Variants in RMDN2 observed in about 807,000 individuals in gnomAD.
The protein encoded by RMDN2 is regulator of microtubule dynamics protein 2.
RMDN2 carries 61 observed loss-of-function variants against 52.8 expected under a neutral mutation model. The ratio of observed to expected loss-of-function variants is 1.16; its 90% confidence interval spans 0.94 to 1.43. The LOEUF is 1.43. Ranked by LOEUF, RMDN2 falls within the 40% of genes most tolerant of loss-of-function variation. The pLI is 0.00. For missense variants in RMDN2, 592 were observed against 475.3 expected, an observed-to-expected ratio of 1.25 and a Z score of -2.28; for synonymous variants, 180 against 153.1, an observed-to-expected ratio of 1.18 and a Z score of -1.30.
At chr2:38,036,852 GA>G (rs1466089677) in intron 10 of RMDN2, 1 of 152,262 alleles carries the variant, frequency 6.6e-6, no homozygotes, top group African/African-American at 2.4e-5. Flanking sequence ...GTTAAAATCT[GA>G]TGGGAAAGTA....
intron 1 of RMDN2, among the ~76,000 whole-genome samples, chr2:37,926,217 T>C (rs1197846444): frequency 2.0e-5 from 3 of 152,266 alleles, no homozygotes; most frequent in Non-Finnish European, 4.4e-5. Context: ...CTGATGAAGT[T>C]AATGAATATC....
intron 4 of RMDN2, 90 bp downstream of exon 4, chr2:37,975,404 G>A: frequency 1.4e-6 from 1 of 727,186 alleles, no homozygotes. Flanking sequence ...CATGTCCTTT[G>A]CAGGGACATG....
At chr2:37,974,006 T>TCAA (rs1672134435) in intron 2 of RMDN2, 34 bp from the exon 3 acceptor site, 16 of 1,543,528 alleles carry the variant, frequency 1.0e-5, no homozygotes, top group Non-Finnish European at 1.4e-5. Flanking sequence ...TACTTAACTT[T>TCAA]CAAAGGAGTT....
intron 5 of RMDN2, among the ~76,000 whole-genome samples, chr2:37,987,930 A>G (rs12623387): frequency 0.44 from 67,425 of 151,886 alleles, 17,154 homozygotes; most frequent in East Asian, 0.77. Flanking sequence ...ATGGTGGCAC[A>G]TGCCTGTAGT....
chr2:37,997,145 C>G (rs1283318199), intron 7 of RMDN2, among the ~76,000 whole-genome samples: 1 of 152,160 alleles, frequency 6.6e-6, no homozygotes, highest in Admixed American at 6.5e-5. Context: ...TCTTCTTATC[C>G]AGAGTATTTC....
chr2:37,941,630 C>G (rs1391307335), intron 2 of RMDN2, among the ~76,000 whole-genome samples: 2 of 152,214 alleles, frequency 1.3e-5, no homozygotes, highest in African/African-American at 4.8e-5. Context: ...CTGGCTATAG[C>G]TGCTTTGCAG....
intron 10 of RMDN2, among the ~76,000 whole-genome samples, chr2:38,007,573 G>T (rs1558543525): frequency 1.3e-5 from 2 of 152,024 alleles, no homozygotes; most frequent in African/African-American, 4.8e-5. Context: ...ATTTTTTATT[G>T]CGTCTATTTG....
chr2:37,962,109 C>T (rs1318951235), intron 2 of RMDN2, among the ~76,000 whole-genome samples: 1 of 152,206 alleles, frequency 6.6e-6, no homozygotes, highest in Non-Finnish European at 1.5e-5. Flanking sequence ...TGGAGCTCTC[C>T]TATATGAGGT....
At chr2:37,922,671 G>A (rs965511562), upstream of RMDN2, among the ~76,000 whole-genome samples, 1 of 152,228 alleles carries the variant, frequency 6.6e-6, no homozygotes, top group African/African-American at 2.4e-5. Flanking sequence ...TTTGCTGTAA[G>A]CTAGCAGGGA....
At chr2:37,955,141 C>A (rs1473748642) in intron 2 of RMDN2, among the ~76,000 whole-genome samples, 1 of 151,990 alleles carries the variant, frequency 6.6e-6, no homozygotes, top group Non-Finnish European at 1.5e-5. Context: ...TGTCTGTGAT[C>A]AGAGGATACT....
chr2:37,933,556 G>A (rs937143629), intron 2 of RMDN2, among the ~76,000 whole-genome samples: 8 of 152,390 alleles, frequency 5.2e-5, no homozygotes, highest in South Asian at 4.1e-4. Context: ...GATCGCTCGC[G>A]GTTAGGAGCT....
chr2:37,993,826 T>C (rs1309063329), intron 7 of RMDN2, among the ~76,000 whole-genome samples: 2 of 152,086 alleles, frequency 1.3e-5, no homozygotes, highest in Admixed American at 6.6e-5. Flanking sequence ...GCAGTGAAAA[T>C]TCATTTTCAG....
chr2:37,969,814 C>CT (rs1470145182), intron 2 of RMDN2, among the ~76,000 whole-genome samples: 44 of 152,072 alleles, frequency 2.9e-4, no homozygotes, highest in Non-Finnish European at 2.9e-5. Flanking sequence ...AGCATATAGC[C>CT]TTTTTCAGGT....
intron 4 of RMDN2, among the ~76,000 whole-genome samples, chr2:37,975,582 A>G (rs893150155): frequency 3.0e-4 from 46 of 152,212 alleles, no homozygotes; most frequent in African/African-American, 1.1e-3. Flanking sequence ...GGGGAGGGAT[A>G]GCATTAGGAG....
chr2:37,986,997 G>T (rs1033620570), intron 5 of RMDN2, among the ~76,000 whole-genome samples: 2 of 151,746 alleles, frequency 1.3e-5, no homozygotes, highest in Non-Finnish European at 2.9e-5. Context: ...AACAAGAAAA[G>T]AAAATAAAAG....
intron 2 of RMDN2, among the ~76,000 whole-genome samples, chr2:37,964,427 G>A (rs1196395311): frequency 6.6e-6 from 1 of 152,076 alleles, no homozygotes; most frequent in Non-Finnish European, 1.5e-5. Context: ...CCTTGTGATT[G>A]CATCTTTGGC....
chr2:38,024,022 A>G (rs764713426), intron 10 of RMDN2, among the ~76,000 whole-genome samples: 1 of 152,164 alleles, frequency 6.6e-6, no homozygotes, highest in Admixed American at 6.5e-5. Flanking sequence ...AGTATTTTAT[A>G]TAAGTAGAAT....
intron 5 of RMDN2, among the ~76,000 whole-genome samples, chr2:37,987,687 G>A (rs1031045138): frequency 6.6e-6 from 1 of 152,140 alleles, no homozygotes; most frequent in Non-Finnish European, 1.5e-5. Context: ...GTAAACTACG[G>A]ACTTTGGATG....
At chr2:37,929,956 T>C (rs898232101) in intron 2 of RMDN2, among the ~76,000 whole-genome samples, 1 of 152,172 alleles carries the variant, frequency 6.6e-6, no homozygotes, top group Admixed American at 6.5e-5. Context: ...TGGTAGCAGG[T>C]GGTATTATGT....
Sources: gnomAD v4.1 joint callset for allele counts (sites outside exome capture counted in the v4.1 genomes callset) on GRCh38, gnomAD v4.1.1 for gene constraint, MANE v1.5 for transcripts, NCBI Gene and HGNC (gene_info 2026-07-23, HGNC 2026-07-21) for gene names.